The following QKI variants were observed in gnomAD, a reference collection of about 807,000 sequenced individuals.
QKI encodes the protein KH domain-containing RNA-binding protein QKI.
A neutral mutation model predicts 39.0 loss-of-function variants in QKI; 10 were observed. That is an observed-to-expected ratio of 0.26 (90% CI 0.16 to 0.43). QKI has a LOEUF of 0.43. QKI is among the 20% of genes least tolerant of loss of function. The pLI is 1.00. For missense variants in QKI, 218 were observed against 428.0 expected (o/e 0.51, Z 4.33); for synonymous variants, 204 against 155.4 (o/e 1.31, Z -2.33).
chr6:163,562,104 G>C (rs41268569), intron 5 of QKI, 35 bp downstream of exon 5: 73 of 1,526,542 alleles, frequency 4.8e-5, no homozygotes, highest in South Asian at 5.9e-5. Flanking sequence ...GGTTACTGCT[G>C]TCTGCGTTGT....
intron 1 of QKI, among the ~76,000 whole-genome samples, chr6:163,453,701 T>C (rs1790737218): frequency 6.6e-6 from 1 of 152,170 alleles, no homozygotes; most frequent in African/African-American, 2.4e-5. Context: ...ATTCTGCCCT[T>C]ATCATGTAGT....
intron 4 of QKI, among the ~76,000 whole-genome samples, chr6:163,541,396 T>C (rs1781507109): frequency 6.6e-6 from 1 of 152,062 alleles, no homozygotes; most frequent in East Asian, 1.9e-4. Context: ...ATGTTTCACA[T>C]ACACTTAAAA....
chr6:163,523,790 A>G (rs2128238300), intron 3 of QKI, among the ~76,000 whole-genome samples: 1 of 152,350 alleles, frequency 6.6e-6, no homozygotes, highest in Middle Eastern at 3.4e-3. Flanking sequence ...CTGGTTGTGT[A>G]CCAAACTTTT....
chr6:163,573,712 C>CA lies in QKI; in HGVS notation c.*3003dup, dbSNP rs1783826081. On this transcript the variant is annotated 3_prime_UTR_variant, in exon 8 of 8. Transcript: ENST00000361752. ...CTTTTGGGTTTTAGTTGGGATTTTA[C>CA]ATAGCTTGCATTTTAATTCTTTGGT... The CA allele has an allele frequency of 6.6e-6, 1 of 152,122 alleles. No individual in the cohort carries two copies. The highest frequency in any genetic ancestry group is 2.1e-4 in the South Asian group (1 of 4,832). 9.4% of individuals were successfully genotyped at this position (152,122 alleles called of 1,614,324 possible). A position where few individuals can be genotyped will look rare whatever the true frequency, so the allele number is the denominator to read the frequency against.
chr6:163,497,048 T>C (rs1778456012), intron 3 of QKI, among the ~76,000 whole-genome samples: 1 of 152,232 alleles, frequency 6.6e-6, no homozygotes, highest in African/African-American at 2.4e-5. Context: ...ATGTAGTTGG[T>C]ACTCAGTAAA....
intron 1 of QKI, among the ~76,000 whole-genome samples, chr6:163,446,471 C>G (rs1790162376): frequency 6.6e-6 from 1 of 152,118 alleles, no homozygotes; most frequent in Admixed American, 6.5e-5. Flanking sequence ...CTGATGATAT[C>G]AAACTAACTT....
intron 3 of QKI, among the ~76,000 whole-genome samples, chr6:163,517,019 C>T (rs2128236513): frequency 6.6e-6 from 1 of 151,802 alleles, no homozygotes; most frequent in South Asian, 2.1e-4. Context: ...AAGTTTCAAC[C>T]AGAGAAGCAG....
intron 3 of QKI, 111 bp from the exon 4 acceptor site, chr6:163,534,871 G>A: frequency 2.2e-6 from 2 of 910,524 alleles, no homozygotes; most frequent in Non-Finnish European, 3.1e-6. Context: ...TGCCATCATA[G>A]CAAAATAATG....
At chr6:163,468,078 G>A (rs1162340028) in intron 2 of QKI, among the ~76,000 whole-genome samples, 2 of 152,128 alleles carry the variant, frequency 1.3e-5, no homozygotes, top group Non-Finnish European at 1.5e-5. Context: ...AGGCCCACTA[G>A]TGTTGACTAG....
Position 163,496,255 on chromosome 6 carries a change from ATGTTAT to A in QKI, c.402+17365_402+17370del, listed in dbSNP as rs1778399484. The stretch of plus-strand genomic sequence containing the variant: ...TGGTTGTGGTGACAACAATAAGTTG[ATGTTAT>A]TGTTAAGGGCTTCAACACACTGAGC... On this transcript the variant is annotated intron_variant, in intron 3 of 7. Transcript: ENST00000361752. 6.6e-5 allele frequency among the ~76,000 whole-genome samples: 10 copies of A among 152,240 alleles called. No homozygotes were observed. The South Asian group carries it at 2.1e-3, about 32-fold the overall frequency.
chr6:163,455,666 G>A (rs1456430046), intron 2 of QKI, among the ~76,000 whole-genome samples: 3 of 152,184 alleles, frequency 2.0e-5, no homozygotes, highest in African/African-American at 4.8e-5. Context: ...AACTGGATGA[G>A]GAATTGTGGA....
At chr6:163,416,690 G>A (rs1007708505) in intron 1 of QKI, among the ~76,000 whole-genome samples, 2 of 152,196 alleles carry the variant, frequency 1.3e-5, no homozygotes, top group African/African-American at 4.8e-5. Flanking sequence ...CAACTTAAAA[G>A]TAGAAAATGG....
intron 3 of QKI, among the ~76,000 whole-genome samples, chr6:163,495,377 T>C (rs1196559982): frequency 6.6e-6 from 1 of 152,036 alleles, no homozygotes; most frequent in East Asian, 1.9e-4. Context: ...ATAATGAGAG[T>C]TGCGTGTGTG....
Position 163,496,122 on chromosome 6 carries a change from C to G in QKI, c.402+17226C>G, listed in dbSNP as rs149427299. On this transcript the variant is annotated intron_variant, in intron 3 of 7. Coordinates refer to ENST00000361752, the MANE Select transcript of QKI (RefSeq NM_006775.3). ...ATTTCTAATAGGTTAAGATCTCTTTCAGTATTACATGTATTCTTGCATATC... is the reference window on the plus strand; with the variant it reads ...ATTTCTAATAGGTTAAGATCTCTTTGAGTATTACATGTATTCTTGCATATC... Among the ~76,000 whole-genome samples, 785 of 152,216 alleles carry G rather than the reference C, an allele frequency of 5.2e-3. 10 individuals carry two copies. The highest frequency in any genetic ancestry group is 0.018 in the African/African-American group (750 of 41,518).
At chr6:163,454,823 C>T (rs1369319169) in intron 1 of QKI, among the ~76,000 whole-genome samples, 1 of 152,118 alleles carries the variant, frequency 6.6e-6, no homozygotes, top group East Asian at 1.9e-4. Context: ...CCAAAGATAT[C>T]TAAAAATAAT....
At position 163,574,201 on chromosome 6, in the gene QKI, C is replaced by G. The variant is rs924806532; in HGVS notation, c.*3491C>G. ...AAAGATACATTGTCATGGTATATAC[C>G]TGGAGAAACCAGTTTGATTCTTTGT... On this transcript the variant is annotated 3_prime_UTR_variant, in exon 8 of 8. Transcript: ENST00000361752. The G allele has an allele frequency of 4.6e-5, 7 of 152,142 alleles. No homozygotes were observed. The highest frequency in any genetic ancestry group is 7.3e-5 in the Non-Finnish European group (5 of 68,042). 9.4% of individuals were successfully genotyped at this position (152,142 alleles called of 1,614,324 possible). A position where few individuals can be genotyped will look rare whatever the true frequency, so the allele number is the denominator to read the frequency against.
At chr6:163,427,316 C>T (rs1169941244) in intron 1 of QKI, among the ~76,000 whole-genome samples, 1 of 115,204 alleles carries the variant, frequency 8.7e-6, no homozygotes, top group Admixed American at 1.0e-4. Context: ...TACTTATTTG[C>T]TTTATTCTAC....
At chr6:163,551,772 G>T (rs1782248032) in intron 4 of QKI, among the ~76,000 whole-genome samples, 1 of 152,192 alleles carries the variant, frequency 6.6e-6, no homozygotes, top group Admixed American at 6.5e-5. Context: ...CTTCATTACT[G>T]TGATGAATAC....
intron 2 of QKI, among the ~76,000 whole-genome samples, chr6:163,476,342 T>C (rs1562469749): frequency 1.3e-5 from 2 of 151,774 alleles, no homozygotes; most frequent in Non-Finnish European, 2.9e-5. Context: ...AGGGTCAGTC[T>C]CTTGTCCTGC....
Sources: allele counts gnomAD v4.1 joint callset (sites outside exome capture counted in the v4.1 genomes callset), GRCh38; gene constraint gnomAD v4.1.1; transcripts MANE v1.5; gene names NCBI Gene and HGNC (gene_info 2026-07-23, HGNC 2026-07-21).